Variants in LDLRAD4 observed in about 807,000 individuals in gnomAD.
LDLRAD4 encodes low-density lipoprotein receptor class A domain-containing protein 4.
LDLRAD4 carries 5 observed loss-of-function variants against 17.0 expected under a neutral mutation model. The observed-to-expected ratio is 0.29, with a 90% confidence interval of 0.15 to 0.62. The LOEUF (loss-of-function observed/expected upper bound fraction) is 0.62. Ranked by LOEUF, LDLRAD4 falls within the 20% of genes least tolerant of loss-of-function variation. The probability of loss-of-function intolerance (pLI) is 0.84; values close to 1 mark genes in which losing one functional copy is unlikely to be tolerated. For missense variants in LDLRAD4, 340 were observed against 424.7 expected (o/e 0.80, Z 1.75); for synonymous variants, 168 against 171.8 (o/e 0.98, Z 0.17).
intron 3 of LDLRAD4, chr18:13,515,086 C>T (rs2093843658): frequency 6.6e-6 from 1 of 152,190 alleles, no homozygotes; most frequent in South Asian, 2.1e-4. Flanking sequence ...AACTGAATTA[C>T]ATAACTGTTA....
At chr18:13,305,168 G>A (rs2046837446) in intron 1 of LDLRAD4, among the ~76,000 whole-genome samples, 2 of 152,046 alleles carry the variant, frequency 1.3e-5, no homozygotes, top group Admixed American at 6.5e-5. Flanking sequence ...AGTCTATTTT[G>A]TCATTTTTAT....
intron 1 of LDLRAD4, among the ~76,000 whole-genome samples, chr18:13,225,415 T>C (rs2145405979): frequency 6.6e-6 from 1 of 152,346 alleles, no homozygotes; most frequent in Non-Finnish European, 1.5e-5. Flanking sequence ...CTACCAGGTG[T>C]CCCACATGTT....
chr18:13,520,735 C>T (rs936225048), intron 3 of LDLRAD4: 1 of 152,222 alleles, frequency 6.6e-6, no homozygotes, highest in African/African-American at 2.4e-5. Flanking sequence ...TGTCTGTGGT[C>T]CTACCTACTC....
chr18:13,533,093 C>T (rs1335588351), intron 3 of LDLRAD4, among the ~76,000 whole-genome samples: 3 of 152,196 alleles, frequency 2.0e-5, no homozygotes, highest in Non-Finnish European at 4.4e-5. Flanking sequence ...AATTTCTGAG[C>T]ACCTACTGTG....
intron 1 of LDLRAD4, among the ~76,000 whole-genome samples, chr18:13,250,551 A>C (rs750978396): frequency 1.3e-5 from 2 of 152,218 alleles, no homozygotes; most frequent in Non-Finnish European, 2.9e-5. Context: ...AAAGTGAAAC[A>C]TCACAATGGA....
intron 1 of LDLRAD4, among the ~76,000 whole-genome samples, chr18:13,326,432 G>A (rs1302725181): frequency 6.6e-6 from 1 of 152,216 alleles, no homozygotes; most frequent in Non-Finnish European, 1.5e-5. Flanking sequence ...TGGGCAGGTG[G>A]AGGAATGACT....
chr18:13,380,632 T>C lies in LDLRAD4; in HGVS notation c.-382-6709T>C, dbSNP rs116410725. 3.4e-3 allele frequency among the ~76,000 whole-genome samples: 513 copies of C among 152,338 alleles called. 1 individual carries two copies. The highest frequency in any genetic ancestry group is 0.012 in the African/African-American group (484 of 41,588). ...ATTTTAGGGGGAACTCTCTCCAACTTGGTTTGAATATAGCCTCAGGATTTA... is the reference window on the plus strand; with the variant it reads ...ATTTTAGGGGGAACTCTCTCCAACTCGGTTTGAATATAGCCTCAGGATTTA... On this transcript the variant is annotated intron_variant, in intron 1 of 5. Coordinates refer to ENST00000359446, the Ensembl canonical transcript of LDLRAD4.
Position 13,291,420 on chromosome 18 carries a change from G to A in LDLRAD4, c.-383+13232G>A, listed in dbSNP as rs191332123. Among the ~76,000 whole-genome samples the A allele has an allele frequency of 6.3e-4, 96 of 152,320 alleles. 2 individuals carry two copies. The East Asian group carries it at 0.012, about 19-fold the overall frequency. On this transcript the variant is annotated intron_variant, in intron 1 of 5. Coordinates refer to ENST00000359446, the Ensembl canonical transcript of LDLRAD4. ...CTATAAAATGTTGGCGCTGGCAAAA[G>A]CCTTGGACAAATCAAATTGTACAGT...
intron 3 of LDLRAD4, among the ~76,000 whole-genome samples, chr18:13,557,135 T>G (rs1187215343): frequency 3.3e-5 from 5 of 149,294 alleles, no homozygotes; most frequent in Admixed American, 6.6e-5. Flanking sequence ...CTTTACAAAA[T>G]TAAAAAAAAA....
rs1377045054 is a variant in LDLRAD4, at chr18:13,398,066, A to G, written c.40+10304A>G. Reference sequence around the variant, plus strand: ...CCCGAGAGACCCTCCTTGAGGACGCAGTGGCCAGTGGGGGCCACCATGTCA... The same window carrying G: ...CCCGAGAGACCCTCCTTGAGGACGCGGTGGCCAGTGGGGGCCACCATGTCA... On this transcript the variant is annotated intron_variant, in intron 2 of 5. Coordinates refer to ENST00000359446, the Ensembl canonical transcript of LDLRAD4. The surrounding 1 kb of genome is among the most constrained non-coding windows in gnomAD (Gnocchi z 4.8). Among the ~76,000 whole-genome samples the G allele has an allele frequency of 6.6e-6, 1 of 152,180 alleles. No homozygotes were observed. Among genetic ancestry groups the G allele is most frequent in the African/African-American group, 2.4e-5 (1 of 41,440 alleles).
intron 3 of LDLRAD4, among the ~76,000 whole-genome samples, chr18:13,594,175 C>G (rs1009155099): frequency 2.0e-5 from 3 of 152,056 alleles, no homozygotes; most frequent in African/African-American, 4.8e-5. Flanking sequence ...AGCAGCACCT[C>G]GCTTAGAGGT....
rs537518614 is a variant in LDLRAD4 at position 13,620,290 on chromosome 18, C to T, written c.182-827C>T. Among the ~76,000 whole-genome samples the T allele has an allele frequency of 1.1e-4, 17 of 152,344 alleles. No individual in the cohort carries two copies. In the South Asian group the frequency reaches 1.2e-3, roughly 11 times the overall value. Reference sequence around the variant, plus strand: ...AGTTGATGGCTTCTCTCTTCTTACTCCTGCCTCCCCCAGATTCCTGCACTG... The same window carrying T: ...AGTTGATGGCTTCTCTCTTCTTACTTCTGCCTCCCCCAGATTCCTGCACTG... On this transcript the variant is annotated intron_variant, in intron 3 of 5. Coordinates refer to ENST00000359446, the Ensembl canonical transcript of LDLRAD4.
intron 3 of LDLRAD4, chr18:13,543,565 T>A (rs1437307908): frequency 6.6e-6 from 1 of 152,252 alleles, no homozygotes; most frequent in Non-Finnish European, 1.5e-5. Flanking sequence ...GGAGAGAATT[T>A]ACATGATTGC....
chr18:13,516,552 C>T (rs1375776050), intron 3 of LDLRAD4, among the ~76,000 whole-genome samples: 2 of 152,160 alleles, frequency 1.3e-5, no homozygotes, highest in East Asian at 3.8e-4. Flanking sequence ...CTCTTTATTG[C>T]TAGGGTGGCA....
At chr18:13,609,424 G>T (rs2039273146) in intron 3 of LDLRAD4, among the ~76,000 whole-genome samples, 1 of 152,104 alleles carries the variant, frequency 6.6e-6, no homozygotes, top group South Asian at 2.1e-4. Flanking sequence ...CCCCTCAGAG[G>T]CGCTGGGAGA....
intron 4 of LDLRAD4, among the ~76,000 whole-genome samples, chr18:13,634,073 G>T (rs1343837587): frequency 6.6e-6 from 1 of 152,200 alleles, no homozygotes; most frequent in South Asian, 2.1e-4. Context: ...CATCATAAAG[G>T]CTATCTATGA....
At chr18:13,271,093 C>G (rs2044509218) in intron 1 of LDLRAD4, among the ~76,000 whole-genome samples, 1 of 152,100 alleles carries the variant, frequency 6.6e-6, no homozygotes, top group Non-Finnish European at 1.5e-5. Context: ...CTCAGTTTAC[C>G]TAAACAACAA....
At position 13,252,668 on chromosome 18, in the gene LDLRAD4, C is replaced by T. The variant is rs116520198; in HGVS notation, c.-466-25437C>T. ...ACCATACTGGGCACGGTGGGACTGC[C>T]GCAGATGTGATGGATGACAAGGGTT... is the stretch of plus-strand genomic sequence containing the variant. On this transcript the variant is annotated intron_variant, in intron 1 of 5. Transcript: ENST00000399848. 1.7e-3 allele frequency among the ~76,000 whole-genome samples: 265 copies of T among 152,288 alleles called. 1 individual carries two copies. The highest frequency in any genetic ancestry group is 3.4e-3 in the African/African-American group (141 of 41,570).
intron 3 of LDLRAD4, among the ~76,000 whole-genome samples, chr18:13,539,886 T>C (rs2094251281): frequency 6.6e-6 from 1 of 152,242 alleles, no homozygotes; most frequent in Non-Finnish European, 1.5e-5. Context: ...AAACAGGTGC[T>C]GGCAGACAAA....
Sources: allele counts gnomAD v4.1 joint callset (sites outside exome capture counted in the v4.1 genomes callset), GRCh38; gene constraint gnomAD v4.1.1; non-coding constraint Gnocchi (gnomAD v3.1); transcripts MANE v1.5; gene names NCBI Gene and HGNC (gene_info 2026-07-23, HGNC 2026-07-21).